Variants in NRXN1 observed in about 807,000 individuals in gnomAD.
NRXN1 encodes the protein neurexin-1.
Under a neutral mutation model 150.9 loss-of-function variants are expected in NRXN1, and 39 were observed. That is an observed-to-expected ratio of 0.26 (90% CI 0.20 to 0.34). The LOEUF (loss-of-function observed/expected upper bound fraction) is 0.34, where lower values mean the gene tolerates loss of function less well. NRXN1 is among the 10% of genes least tolerant of loss of function. NRXN1 has a pLI of 1.00. For missense variants in NRXN1, 1,815 were observed against 1,949.9 expected (o/e 0.93, Z 1.30); for synonymous variants, 924 against 757.0 (o/e 1.22, Z -3.62).
chr2:50,399,231 C>T (rs1209016744), intron 17 of NRXN1, among the ~76,000 whole-genome samples: 3 of 152,092 alleles, frequency 2.0e-5, no homozygotes, highest in Non-Finnish European at 4.4e-5. Context: ...CTGGTTGACA[C>T]CACATGAGGT....
intron 18 of NRXN1, among the ~76,000 whole-genome samples, chr2:50,194,189 G>A (rs1401727328): frequency 1.3e-5 from 2 of 151,800 alleles, no homozygotes; most frequent in African/African-American, 4.8e-5. Flanking sequence ...ACTACTTTGT[G>A]ACTAATATTC....
chr2:50,443,440 G>A (rs1042253329), intron 17 of NRXN1, among the ~76,000 whole-genome samples: 2 of 152,186 alleles, frequency 1.3e-5, no homozygotes, highest in Non-Finnish European at 2.9e-5. Context: ...TTTGTATGAG[G>A]ACAGCTAGCA....
At chr2:50,770,630 T>C (rs1444289294) in intron 5 of NRXN1, among the ~76,000 whole-genome samples, 1 of 152,098 alleles carries the variant, frequency 6.6e-6, no homozygotes, top group Non-Finnish European at 1.5e-5. Flanking sequence ...TTGCTTACAA[T>C]TAAATTTTTT....
intron 10 of NRXN1, among the ~76,000 whole-genome samples, chr2:50,536,751 T>C (rs2093271269): frequency 6.6e-6 from 1 of 152,206 alleles, no homozygotes; most frequent in African/African-American, 2.4e-5. Context: ...GTTCATCCTT[T>C]TGGCAATTTC....
chr2:49,984,748 C>CACACAT (rs3046622), intron 21 of NRXN1, among the ~76,000 whole-genome samples: 2 of 151,346 alleles, frequency 1.3e-5, no homozygotes, highest in South Asian at 2.1e-4. Context: ...CACACACACA[C>CACACAT]GATAGTATAT....
chr2:50,526,560 A>C (rs1468007777), intron 12 of NRXN1: 2 of 152,176 alleles, frequency 1.3e-5, no homozygotes, highest in Non-Finnish European at 2.9e-5. Flanking sequence ...TGCTCATTTA[A>C]TCACTGTGTG....
chr2:50,482,015 G>A (rs1015888281), intron 15 of NRXN1, among the ~76,000 whole-genome samples: 8 of 150,912 alleles, frequency 5.3e-5, no homozygotes, highest in Non-Finnish European at 1.2e-4. Context: ...TGATCCGCCC[G>A]CCTCGGCCTC....
In NRXN1 at chr2:50,014,623, G is replaced by A. The variant is rs568227205; in HGVS notation, c.4128+38648C>T. Among the ~76,000 whole-genome samples, 15 of 152,202 alleles carry A rather than the reference G, an allele frequency of 9.9e-5. No individual in the cohort carries two copies. The South Asian group carries it at 2.9e-3, about 29-fold the overall frequency. Reference sequence around the variant, plus strand: ...ACCACTGATTTGTTCTTAACACCACGTTTCAGTTAAATTTCATTAATTCTT... The same window carrying A: ...ACCACTGATTTGTTCTTAACACCACATTTCAGTTAAATTTCATTAATTCTT... On this transcript the variant is annotated intron_variant, in intron 21 of 22. Transcript: ENST00000401669.
chr2:50,812,318 T>C (rs1430811856), intron 5 of NRXN1, among the ~76,000 whole-genome samples: 1 of 152,184 alleles, frequency 6.6e-6, no homozygotes, highest in African/African-American at 2.4e-5. Flanking sequence ...GGAAATAATA[T>C]CTTTGCGGTT....
At chr2:50,341,083 T>C (rs951229805) in intron 17 of NRXN1, among the ~76,000 whole-genome samples, 3 of 152,234 alleles carry the variant, frequency 2.0e-5, no homozygotes, top group East Asian at 1.9e-4. Flanking sequence ...ACAGGCTTTA[T>C]GGAAGAGTAT....
chr2:50,479,930 C>T (rs1213870153), intron 15 of NRXN1, among the ~76,000 whole-genome samples: 2 of 151,988 alleles, frequency 1.3e-5, no homozygotes, highest in African/African-American at 2.4e-5. Context: ...TATGCCATTA[C>T]ACCCGGCTAA....
chr2:50,149,928 C>A (rs1300231351), intron 18 of NRXN1, among the ~76,000 whole-genome samples: 2 of 151,662 alleles, frequency 1.3e-5, no homozygotes, highest in Non-Finnish European at 2.9e-5. Context: ...CTGTATGTAG[C>A]CATATGCATA....
At chr2:50,482,881 A>G (rs1365372260) in intron 15 of NRXN1, among the ~76,000 whole-genome samples, 2 of 151,546 alleles carry the variant, frequency 1.3e-5, no homozygotes, top group Non-Finnish European at 2.9e-5. Flanking sequence ...AGAAACCCCA[A>G]CTCTACTAAA....
chr2:50,514,725 T>A (rs2092574297), intron 12 of NRXN1, among the ~76,000 whole-genome samples: 1 of 152,102 alleles, frequency 6.6e-6, no homozygotes, highest in African/African-American at 2.4e-5. Context: ...GGAGCTAGCT[T>A]GAGAGCTATA....
intron 2 of NRXN1, among the ~76,000 whole-genome samples, chr2:51,000,353 T>C (rs1699873113): frequency 6.6e-6 from 1 of 152,058 alleles, no homozygotes; most frequent in Non-Finnish European, 1.5e-5. Context: ...ATAACACTCC[T>C]ATTGATTTCT....
At chr2:50,997,048 G>C (rs1472594578) in intron 2 of NRXN1, among the ~76,000 whole-genome samples, 5 of 151,956 alleles carry the variant, frequency 3.3e-5, no homozygotes, top group Admixed American at 6.6e-5. Context: ...AAAACTGCAA[G>C]AAGGCACTGG....
intron 5 of NRXN1, among the ~76,000 whole-genome samples, chr2:50,791,586 A>G (rs1299392273): frequency 6.6e-6 from 1 of 152,134 alleles, no homozygotes; most frequent in African/African-American, 2.4e-5. Context: ...TGCACACTGG[A>G]GATCACAGAA....
chr2:50,037,950 T>G (rs1690299570), intron 21 of NRXN1, among the ~76,000 whole-genome samples: 1 of 152,110 alleles, frequency 6.6e-6, no homozygotes, highest in Non-Finnish European at 1.5e-5. Flanking sequence ...ATTGCGGCCA[T>G]AGAAAAGCCT....
chr2:49,953,978 C>T, intron 21 of NRXN1, among the ~76,000 whole-genome samples: 1 of 151,900 alleles, frequency 6.6e-6, no homozygotes, highest in East Asian at 1.9e-4. Flanking sequence ...ACCTATGTAA[C>T]AAGCCTGCAT....
Sources: gnomAD v4.1 joint callset for allele counts (sites outside exome capture counted in the v4.1 genomes callset) on GRCh38, gnomAD v4.1.1 for gene constraint, MANE v1.5 for transcripts, NCBI Gene and HGNC (gene_info 2026-07-23, HGNC 2026-07-21) for gene names.